KDM7A: variants seen among roughly 807,000 people sequenced by gnomAD.
KDM7A encodes lysine-specific demethylase 7A.
In KDM7A, 28 loss-of-function variants were observed where a neutral mutation model predicts 114.8. The ratio of observed to expected loss-of-function variants is 0.24; its 90% CI spans 0.18 to 0.33. The LOEUF is 0.33. Ranked by LOEUF, KDM7A falls within the 10% of genes least tolerant of loss-of-function variation. The probability of loss-of-function intolerance (pLI) is 1.00; values close to 1 mark genes in which losing one functional copy is unlikely to be tolerated. For missense variants in KDM7A, 942 were observed against 1,142.5 expected, an observed-to-expected ratio of 0.82 and a Z score of 2.53; for synonymous variants, 423 against 397.8, an observed-to-expected ratio of 1.06 and a Z score of -0.75.
chr7:140,131,913 A>G (rs1818793551), intron 3 of KDM7A, among the ~76,000 whole-genome samples: 1 of 152,204 alleles, frequency 6.6e-6, no homozygotes, highest in South Asian at 2.1e-4. Flanking sequence ...ACATTTAGGG[A>G]GTGAGGCAAA....
intron 14 of KDM7A, among the ~76,000 whole-genome samples, chr7:140,097,993 T>G (rs1296299024): frequency 6.6e-6 from 1 of 152,250 alleles, no homozygotes; most frequent in Non-Finnish European, 1.5e-5. Context: ...GCATTAGTTG[T>G]ATCATTAGAA....
In KDM7A at chr7:140,159,956, A is replaced by C. The variant is rs868359830; in HGVS notation, c.194+16788T>G. Among the ~76,000 whole-genome samples, 88 of 151,704 alleles carry C rather than the reference A, an allele frequency of 5.8e-4. 1 individual carries two copies. Among genetic ancestry groups the C allele is most frequent in the African/African-American group, 2.1e-3 (85 of 41,402 alleles). On this transcript the variant is annotated intron_variant, in intron 1 of 19. Coordinates refer to ENST00000397560, the MANE Select transcript of KDM7A (RefSeq NM_030647.2). ...TCCTTGACTTCCATTAAAAAAAAAA[A>C]AAAAAAAAACCTGTACCCTTTCTCT... is the stretch of plus-strand genomic sequence containing the variant.
intron 1 of KDM7A, among the ~76,000 whole-genome samples, chr7:140,161,746 G>A (rs966131730): frequency 1.6e-4 from 24 of 151,734 alleles, no homozygotes; most frequent in African/African-American, 5.1e-4. Context: ...GGGTTTCACC[G>A]TGTTGGCCAG....
chr7:140,159,945 TAAAAA>T (rs71520071), intron 1 of KDM7A, among the ~76,000 whole-genome samples: 1 of 124,042 alleles, frequency 8.1e-6, no homozygotes. Flanking sequence ...TGACTTCCAT[TAAAAA>T]AAAAAAAAAA....
At chr7:140,114,379 G>C (rs866368276) in intron 9 of KDM7A, among the ~76,000 whole-genome samples, 4 of 151,520 alleles carry the variant, frequency 2.6e-5, no homozygotes, top group African/African-American at 7.3e-5. Flanking sequence ...TGTGTTGGCC[G>C]GGCTGGTCTC....
At chr7:140,157,869 C>G (rs1268411872) in intron 1 of KDM7A, among the ~76,000 whole-genome samples, 1 of 150,868 alleles carries the variant, frequency 6.6e-6, no homozygotes, top group Non-Finnish European at 1.5e-5. Flanking sequence ...CTCGAGAGGC[C>G]AAGACAGAAG....
At chr7:140,157,150 A>G (rs1794466011) in intron 1 of KDM7A, among the ~76,000 whole-genome samples, 1 of 152,242 alleles carries the variant, frequency 6.6e-6, no homozygotes, top group Non-Finnish European at 1.5e-5. Context: ...TCCACAATTG[A>G]GCTGTATAGG....
intron 1 of KDM7A, among the ~76,000 whole-genome samples, chr7:140,152,271 G>C (rs1211025236): frequency 6.6e-6 from 1 of 152,110 alleles, no homozygotes; most frequent in African/African-American, 2.4e-5. Context: ...CAAAAATCTT[G>C]ACATAACTGG....
chr7:140,115,538 G>T (rs963848474), intron 9 of KDM7A, among the ~76,000 whole-genome samples: 3 of 152,106 alleles, frequency 2.0e-5, no homozygotes, highest in African/African-American at 7.2e-5. Context: ...TCCACTCAGG[G>T]TTAAATGGAT....
intron 11 of KDM7A, among the ~76,000 whole-genome samples, chr7:140,108,478 CTGTT>C (rs1243720203): frequency 6.6e-6 from 1 of 151,984 alleles, no homozygotes; most frequent in Non-Finnish European, 1.5e-5. Flanking sequence ...GATGTCCTTT[CTGTT>C]TGTTTTCCTT....
intron 6 of KDM7A, among the ~76,000 whole-genome samples, chr7:140,125,002 ATAAAG>A (rs1392407720): frequency 1.3e-5 from 2 of 152,290 alleles, no homozygotes; most frequent in South Asian, 2.1e-4. Context: ...CAAGGAGTCA[ATAAAG>A]TAGTGTTGAA....
chr7:140,099,903 T>C lies in KDM7A; in HGVS notation c.1759A>G (p.Ile587Val), dbSNP rs778589909. 2 of 1,609,442 alleles carry C rather than the reference T, an allele frequency of 1.2e-6. No individual in the cohort carries two copies. The highest frequency in any genetic ancestry group is 1.1e-5 in the South Asian group (1 of 90,976). The part of the protein sequence containing the change: ...LRLLLTNGRI[I>V]KDERQPFADQ... ...ACTCTGATTTACTTTACATACTTAA[T>C]TATTCTTCCATTTGTCAGCAGTAAT... is the stretch of plus-strand genomic sequence containing the variant. Residue 587 changes from isoleucine (I) to valine (V), a missense_variant, in exon 13 of 20, where the codon ATT becomes GTT. Coordinates refer to ENST00000397560, the MANE Select transcript of KDM7A (RefSeq NM_030647.2).
chr7:140,107,824 G>A (rs541914969), intron 11 of KDM7A, among the ~76,000 whole-genome samples: 1 of 152,286 alleles, frequency 6.6e-6, no homozygotes, highest in Non-Finnish European at 1.5e-5. Context: ...GGCCCGCCTT[G>A]CTAGGTTGGG....
At chr7:140,165,077 A>G (rs1008664630) in intron 1 of KDM7A, among the ~76,000 whole-genome samples, 86 of 152,328 alleles carry the variant, frequency 5.6e-4, no homozygotes, top group African/African-American at 1.6e-3. Flanking sequence ...CCATCTTTTT[A>G]AAAGACAAAT....
intron 1 of KDM7A, among the ~76,000 whole-genome samples, chr7:140,154,921 T>A (rs1794441903): frequency 1.3e-5 from 2 of 152,206 alleles, no homozygotes. Context: ...ACATTTTTAA[T>A]GTTTTGCAAT....
rs544750360 is a variant in KDM7A, at chr7:140,126,538, C to A, written c.888+99G>T. 8.6e-5 allele frequency: 54 copies of A among 630,638 alleles called. 1 individual carries two copies. The highest frequency in any genetic ancestry group is 1.3e-4 in the Non-Finnish European group (51 of 405,786). The allele number at this position is 630,638 out of a possible 1,614,324, so 39.1% of individuals were successfully genotyped here. ...AAGTAAAAAAAAAAAAAAAAACTTC[C>A]CCCTTTACAAGTAACATTTACAAGA... On this transcript the variant is annotated intron_variant, in intron 6 of 19. Coordinates refer to ENST00000397560, the MANE Select transcript of KDM7A (RefSeq NM_030647.2).
intron 19 of KDM7A, 59 bp from the exon 20 acceptor site, chr7:140,091,247 TG>T: frequency 8.7e-7 from 1 of 1,153,138 alleles, no homozygotes; most frequent in South Asian, 1.2e-5. Context: ...AGAGAGCACC[TG>T]GAAGACTACG....
intron 1 of KDM7A, among the ~76,000 whole-genome samples, chr7:140,147,359 C>T (rs1370588391): frequency 6.6e-6 from 1 of 152,010 alleles, no homozygotes. Flanking sequence ...AAATTCTATT[C>T]GGTTTGAATT....
At chr7:140,143,844 A>G (rs959302365) in intron 1 of KDM7A, among the ~76,000 whole-genome samples, 4 of 152,226 alleles carry the variant, frequency 2.6e-5, no homozygotes, top group Admixed American at 1.3e-4. Context: ...TGAGTAGAAC[A>G]TAAGTTTACT....
Sources: gnomAD v4.1 joint callset for allele counts (sites outside exome capture counted in the v4.1 genomes callset) on GRCh38, gnomAD v4.1.1 for gene constraint, MANE v1.5 for transcripts, NCBI Gene and HGNC (gene_info 2026-07-23, HGNC 2026-07-21) for gene names.